NHS: variants seen among roughly 807,000 people sequenced by gnomAD.
NHS encodes the protein actin remodeling regulator NHS.
NHS carries 5 observed loss-of-function variants against 72.5 expected under a neutral mutation model. The ratio of observed to expected loss-of-function variants is 0.07; its 90% CI spans 0.04 to 0.14. NHS has a LOEUF of 0.14. NHS is among the 10% of genes least tolerant of loss of function. NHS has a pLI of 1.00. For synonymous variants in NHS, 464 were observed against 547.7 expected (o/e 0.85, Z 2.13); for missense variants, 1,072 against 1,355.7 (o/e 0.79, Z 3.29).
chrX:17,474,028 A>T (rs1364781654), intron 1 of NHS, among the ~76,000 whole-genome samples: 8 of 111,246 alleles, frequency 7.2e-5, no homozygotes, highest in African/African-American at 2.6e-4. Context: ...TCACCCAGGT[A>T]TTAAGACTAC....
chrX:17,392,730 A>C (rs2064451613), intron 1 of NHS, among the ~76,000 whole-genome samples: 2 of 112,177 alleles, frequency 1.8e-5, no homozygotes, highest in Admixed American at 1.9e-4. Flanking sequence ...ATTATAATGC[A>C]AATAACGAAT....
intron 1 of NHS, among the ~76,000 whole-genome samples, chrX:17,526,438 C>T (rs771849271): frequency 8.9e-6 from 1 of 112,293 alleles, no homozygotes; most frequent in African/African-American, 3.2e-5. Context: ...TCTGAGCATG[C>T]GAGCAGAAGT....
intron 1 of NHS, among the ~76,000 whole-genome samples, chrX:17,649,957 C>A (rs944630531): frequency 3.6e-5 from 4 of 111,942 alleles, no homozygotes; most frequent in Admixed American, 2.8e-4. Context: ...TAAAGCTCCA[C>A]CACATGCATA....
chrX:17,491,073 AG>A (rs1345702501), intron 1 of NHS, among the ~76,000 whole-genome samples: 1 of 112,120 alleles, frequency 8.9e-6, no homozygotes, highest in African/African-American at 3.2e-5. Flanking sequence ...ATCTGCAAAC[AG>A]AGACAATTTG....
At chrX:17,677,959 C>T (rs2066094440) in intron 1 of NHS, among the ~76,000 whole-genome samples, 2 of 110,708 alleles carry the variant, frequency 1.8e-5, no homozygotes, top group South Asian at 3.9e-4. Flanking sequence ...TGCCACCACA[C>T]CAAGCTAATT....
rs2065072700 is a variant in NHS at position 17,508,972 on chromosome X, A to G, written c.565+132650A>G. The stretch of plus-strand genomic sequence containing the variant: ...GGGGTTGGAGATAGGATTCAAACCC[A>G]GAGCCTTCATGTAACCACCATGTGG... On this transcript the variant is annotated intron_variant, in intron 1 of 8. Coordinates refer to ENST00000676302, the MANE Select transcript of NHS (RefSeq NM_001291867.2). Among the ~76,000 whole-genome samples, 3 of 111,686 alleles carry G rather than the reference A, an allele frequency of 2.7e-5. No homozygotes were observed. The East Asian group carries it at 8.5e-4, about 31-fold the overall frequency.
chrX:17,564,995 T>G (rs2065435773), intron 1 of NHS, among the ~76,000 whole-genome samples: 1 of 107,779 alleles, frequency 9.3e-6, no homozygotes, highest in Admixed American at 9.8e-5. Flanking sequence ...TTTTTTTTTT[T>G]GCAGCAACTC....
chrX:17,517,634 G>A (rs1313606530), intron 1 of NHS, among the ~76,000 whole-genome samples: 2 of 111,578 alleles, frequency 1.8e-5, no homozygotes, highest in Non-Finnish European at 3.8e-5. Context: ...ACTAGTATTG[G>A]GGAGAATGTT....
chrX:17,469,131 C>T (rs2064881801), intron 1 of NHS, among the ~76,000 whole-genome samples: 1 of 111,880 alleles, frequency 8.9e-6, no homozygotes, highest in Non-Finnish European at 1.9e-5. Context: ...GAGAGTCAAC[C>T]ATGTCATGGT....
At chrX:17,550,133 A>G (rs1199094019) in intron 1 of NHS, among the ~76,000 whole-genome samples, 1 of 112,073 alleles carries the variant, frequency 8.9e-6, no homozygotes, top group Non-Finnish European at 1.9e-5. Flanking sequence ...TTGCTTATAC[A>G]TACAAGCATG....
intron 1 of NHS, among the ~76,000 whole-genome samples, chrX:17,394,638 G>A (rs941790564): frequency 1.8e-5 from 2 of 111,350 alleles, no homozygotes; most frequent in Non-Finnish European, 3.8e-5. Context: ...CTCTTGTTTC[G>A]ATCCACTGCT....
At chrX:17,664,221 C>A (rs1169583502) in intron 1 of NHS, among the ~76,000 whole-genome samples, 1 of 110,740 alleles carries the variant, frequency 9.0e-6, no homozygotes, top group Non-Finnish European at 1.9e-5. Context: ...TCAATGTTTT[C>A]TTTTATGACT....
intron 1 of NHS, among the ~76,000 whole-genome samples, chrX:17,451,304 G>T (rs1414730048): frequency 9.0e-6 from 1 of 111,611 alleles, no homozygotes; most frequent in Non-Finnish European, 1.9e-5. Context: ...GTAAAATTTT[G>T]TTCTAGCATA....
chrX:17,513,469 G>C (rs1186220561), intron 1 of NHS, among the ~76,000 whole-genome samples: 1 of 112,449 alleles, frequency 8.9e-6, no homozygotes. Flanking sequence ...CAGGCTGCAA[G>C]TTCAATGTTT....
At chrX:17,505,980 T>G (rs1008706508) in intron 1 of NHS, among the ~76,000 whole-genome samples, 4 of 111,504 alleles carry the variant, frequency 3.6e-5, no homozygotes, top group Non-Finnish European at 7.5e-5. Context: ...GAGCATCAGG[T>G]GCTTTCTTCA....
intron 1 of NHS, among the ~76,000 whole-genome samples, chrX:17,571,255 T>G (rs185036268): frequency 1.9e-3 from 209 of 112,413 alleles, no homozygotes; most frequent in Non-Finnish European, 2.4e-3. Context: ...CACCAGCTCC[T>G]CTTTGTACCT....
At chrX:17,577,906 A>G (rs2065520445) in intron 1 of NHS, among the ~76,000 whole-genome samples, 1 of 111,479 alleles carries the variant, frequency 9.0e-6, no homozygotes, top group African/African-American at 3.3e-5. Context: ...TTAAATGAGA[A>G]TGTTTCTAAG....
At chrX:17,643,060 CAT>C (rs751275164) in intron 1 of NHS, among the ~76,000 whole-genome samples, 2 of 111,995 alleles carry the variant, frequency 1.8e-5, no homozygotes, top group African/African-American at 3.3e-5. Flanking sequence ...TTTAATGACT[CAT>C]GTGCTCAGGA....
intron 1 of NHS, among the ~76,000 whole-genome samples, chrX:17,438,175 T>G (rs2064733415): frequency 8.9e-6 from 1 of 111,904 alleles, no homozygotes; most frequent in African/African-American, 3.3e-5. Context: ...AGATCTGGGC[T>G]CAGGGCCTGG....
Sources: gnomAD v4.1 joint callset for allele counts (sites outside exome capture counted in the v4.1 genomes callset) on GRCh38, gnomAD v4.1.1 for gene constraint, MANE v1.5 for transcripts, NCBI Gene and HGNC (gene_info 2026-07-23, HGNC 2026-07-21) for gene names.